Variants in KDM4C observed in about 807,000 individuals in gnomAD.
KDM4C encodes lysine demethylase 4C.
In KDM4C, 81 loss-of-function variants were observed where a neutral mutation model predicts 129.3. The observed-to-expected ratio is 0.63, with a 90% confidence interval of 0.52 to 0.75. The LOEUF is 0.75. Ranked by LOEUF, KDM4C falls within the 30% of genes least tolerant of loss-of-function variation. The probability of loss-of-function intolerance (pLI) is 0.00; values close to 1 mark genes in which losing one functional copy is unlikely to be tolerated. For synonymous variants in KDM4C, 573 were observed against 456.1 expected, an observed-to-expected ratio of 1.26 and a Z score of -3.26; for missense variants, 1,457 against 1,304.0, an observed-to-expected ratio of 1.12 and a Z score of -1.81.
At chr9:6,821,308 A>C (rs1832990508) in intron 4 of KDM4C, among the ~76,000 whole-genome samples, 1 of 152,174 alleles carries the variant, frequency 6.6e-6, no homozygotes, top group African/African-American at 2.4e-5. Context: ...TGTCTTCCAC[A>C]GTGGTTGAAC....
intron 17 of KDM4C, among the ~76,000 whole-genome samples, chr9:7,074,487 A>C (rs1019083264): frequency 6.6e-6 from 1 of 152,112 alleles, no homozygotes; most frequent in Non-Finnish European, 1.5e-5. Context: ...ATTTTTATAT[A>C]ATCTATTCTT....
Position 6,730,446 on chromosome 9 carries a change from T to A in KDM4C, c.49+9449T>A, listed in dbSNP as rs1434135544. On this transcript the variant is annotated intron_variant, in intron 1 of 17. Coordinates refer to the KDM4C transcript ENST00000536108. ...CTGGCTAACATGGTGAAACCCCATC[T>A]CTACTAAAAATACAAAAAATTAGCT... Among the ~76,000 whole-genome samples the A allele has an allele frequency of 2.0e-5, 3 of 151,322 alleles. No homozygotes were observed. The East Asian group carries it at 5.8e-4, about 29-fold the overall frequency.
chr9:6,756,834 A>G (rs1818320605), upstream of KDM4C, among the ~76,000 whole-genome samples: 2 of 152,206 alleles, frequency 1.3e-5, no homozygotes, highest in South Asian at 4.1e-4. Flanking sequence ...TGTCCTCACA[A>G]TGTTCACCCC....
intron 18 of KDM4C, among the ~76,000 whole-genome samples, chr9:7,124,155 A>G (rs113097095): frequency 4.1e-4 from 63 of 152,330 alleles, no homozygotes; most frequent in African/African-American, 1.4e-3. Context: ...AACACCCCCA[A>G]GATCATCCAG....
At chr9:6,754,093 C>G (rs1337180739), upstream of KDM4C, among the ~76,000 whole-genome samples, 1 of 151,854 alleles carries the variant, frequency 6.6e-6, no homozygotes, top group Non-Finnish European at 1.5e-5. Context: ...CCAGGATGGT[C>G]TCGATCTCCT....
intron 17 of KDM4C, among the ~76,000 whole-genome samples, chr9:7,062,045 G>A (rs1406043323): frequency 1.3e-5 from 2 of 152,084 alleles, no homozygotes; most frequent in African/African-American, 4.8e-5. Flanking sequence ...TTGGCTCACT[G>A]CAAGCTCCGC....
intron 19 of KDM4C, among the ~76,000 whole-genome samples, chr9:7,163,781 C>T (rs549117216): frequency 6.6e-6 from 1 of 152,182 alleles, no homozygotes; most frequent in Non-Finnish European, 1.5e-5. Context: ...ATTCCACATG[C>T]CCTGAGGTCA....
At chr9:6,810,293 A>G (rs1830909504) in intron 3 of KDM4C, among the ~76,000 whole-genome samples, 1 of 152,148 alleles carries the variant, frequency 6.6e-6, no homozygotes, top group African/African-American at 2.4e-5. Context: ...TTCAGGTGAC[A>G]TTGTTTTGTG....
chr9:6,815,542 T>C (rs920092412), intron 4 of KDM4C, among the ~76,000 whole-genome samples: 5 of 152,122 alleles, frequency 3.3e-5, no homozygotes, highest in Admixed American at 6.5e-5. Flanking sequence ...AAATTTCTTA[T>C]CTACTGAAAG....
intron 19 of KDM4C, among the ~76,000 whole-genome samples, chr9:7,157,340 A>G (rs200289658): frequency 6.6e-6 from 1 of 152,072 alleles, no homozygotes; most frequent in Non-Finnish European, 1.5e-5. Flanking sequence ...TTGAATACCC[A>G]TTATTTCTTT....
intron 17 of KDM4C, among the ~76,000 whole-genome samples, chr9:7,096,426 G>T (rs1836445530): frequency 6.6e-6 from 1 of 152,166 alleles, no homozygotes; most frequent in Non-Finnish European, 1.5e-5. Flanking sequence ...CCAGAGGCTG[G>T]CTTGTTTCAC....
At chr9:6,862,457 C>G (rs1563714904) in intron 5 of KDM4C, among the ~76,000 whole-genome samples, 1 of 151,942 alleles carries the variant, frequency 6.6e-6, no homozygotes, top group Non-Finnish European at 1.5e-5. Context: ...CCTCTTAATT[C>G]TCAAGGAGAT....
chr9:6,982,187 T>C (rs1816881219), intron 9 of KDM4C: 1 of 151,772 alleles, frequency 6.6e-6, no homozygotes, highest in African/African-American at 2.4e-5. Context: ...TTTACATCTT[T>C]GCCCAGACTT....
intron 15 of KDM4C, among the ~76,000 whole-genome samples, chr9:7,017,373 G>T (rs1475163476): frequency 6.6e-6 from 1 of 152,112 alleles, no homozygotes; most frequent in Non-Finnish European, 1.5e-5. Flanking sequence ...AATAACAAAT[G>T]ATCCCCTATT....
At chr9:7,041,395 C>T (rs981042192) in intron 15 of KDM4C, among the ~76,000 whole-genome samples, 6 of 151,958 alleles carry the variant, frequency 3.9e-5, no homozygotes, top group Non-Finnish European at 7.4e-5. Context: ...GGTCTTGGAA[C>T]CAATCTCCCT....
chr9:6,758,180 C>T lies in KDM4C; in HGVS notation c.-41C>T, dbSNP rs974541221. ...TCTCTTCCTCCTCCACCGAGTCGTG[C>T]TCTCGCCCCAACCCGCGCGCCAGGT... is the stretch of plus-strand genomic sequence containing the variant. On this transcript the variant is annotated 5_prime_UTR_variant, in exon 1 of 22. Transcript: ENST00000381309. The surrounding 1 kb of genome is among the most constrained non-coding windows in gnomAD (Gnocchi z 4.6). 3 of 985,970 alleles carry T rather than the reference C, an allele frequency of 3.0e-6. No homozygotes were observed. Among genetic ancestry groups the T allele is most frequent in the Non-Finnish European group, 3.6e-6 (3 of 830,502 alleles). 61.1% of individuals were successfully genotyped at this position (985,970 alleles called of 1,614,324 possible).
intron 8 of KDM4C, among the ~76,000 whole-genome samples, chr9:6,948,768 A>C (rs1827472275): frequency 6.6e-6 from 1 of 152,126 alleles, no homozygotes. Flanking sequence ...CTGAGTGGAC[A>C]CAGCACATGT....
chr9:6,818,293 G>T (rs1328286493), intron 4 of KDM4C, among the ~76,000 whole-genome samples: 1 of 152,156 alleles, frequency 6.6e-6, no homozygotes, highest in Admixed American at 6.5e-5. Context: ...ATCGTACCTT[G>T]TATTACATGG....
chr9:6,927,135 CTA>C (rs1491461931), intron 8 of KDM4C, among the ~76,000 whole-genome samples: 4 of 150,806 alleles, frequency 2.7e-5, no homozygotes, highest in Non-Finnish European at 1.5e-5. Context: ...ATCTATCTAT[CTA>C]TCTGTTTTTT....
Sources: gnomAD v4.1 joint callset for allele counts (sites outside exome capture counted in the v4.1 genomes callset) on GRCh38, gnomAD v4.1.1 for gene constraint, Gnocchi (gnomAD v3.1) non-coding constraint, MANE v1.5 for transcripts, NCBI Gene and HGNC (gene_info 2026-07-23, HGNC 2026-07-21) for gene names.